TNFSF8: variants seen among roughly 807,000 people sequenced by gnomAD.
TNFSF8 encodes the protein tumor necrosis factor ligand superfamily member 8.
In TNFSF8, 4 loss-of-function variants were observed where a neutral mutation model predicts 22.0. That is an observed-to-expected ratio of 0.18 (90% CI 0.09 to 0.42). TNFSF8 has a LOEUF of 0.42. Among genes scored for constraint, TNFSF8 ranks in the 10% least tolerant of loss-of-function variants. The pLI is 1.00. For synonymous variants in TNFSF8, 106 were observed against 112.5 expected (o/e 0.94, Z 0.37); for missense variants, 233 against 281.8 (o/e 0.83, Z 1.24).
chr9:114,900,493 T>C (rs1827704009), downstream of TNFSF8, among the ~76,000 whole-genome samples: 1 of 152,190 alleles, frequency 6.6e-6, no homozygotes, highest in Non-Finnish European at 1.5e-5. Flanking sequence ...CCAGCCTTGA[T>C]AGGGCCTCCT....
chr9:114,894,037 A>C, exon 5 of TNFSF8: 1 of 1,480,846 alleles, frequency 6.8e-7, no homozygotes, highest in East Asian at 2.5e-5. Flanking sequence ...ACAGTGACCC[A>C]GGGTAGAAGC....
intron 4 of TNFSF8, among the ~76,000 whole-genome samples, chr9:114,894,748 C>T (rs920072545): frequency 3.3e-5 from 5 of 152,102 alleles, no homozygotes; most frequent in Non-Finnish European, 5.9e-5. Flanking sequence ...TATCTATTTA[C>T]GTAACATAAA....
At chr9:114,904,894 C>A (rs550962653) in intron 3 of TNFSF8, among the ~76,000 whole-genome samples, 1 of 152,180 alleles carries the variant, frequency 6.6e-6, no homozygotes, top group African/African-American at 2.4e-5. Flanking sequence ...TATCCTCTAA[C>A]GGTTCATTGT....
Position 114,930,226 on chromosome 9 carries a change from G to A in TNFSF8, c.78C>T (p.Ser26=), listed in dbSNP as rs1362784051. The A allele has an allele frequency of 2.5e-6, 4 of 1,607,700 alleles. No individual in the cohort carries two copies. In the South Asian group the frequency reaches 3.3e-5, roughly 13 times the overall value. ...TCGTGGTCCCCAGGTGGCTGGCCACGGAGCCCGCCGGCACATGCATGGCTG... is the reference window on the plus strand; with the variant it reads ...TCGTGGTCCCCAGGTGGCTGGCCACAGAGCCCGCCGGCACATGCATGGCTG... ...GDTAMHVPAG[S]VASHLGTTSR... The change falls in exon 1 of 4, where the codon TCC becomes TCT. Residue 26 remains serine, a synonymous_variant. Transcript: ENST00000223795.
At chr9:114,928,934 A>C (rs1466806929) in intron 1 of TNFSF8, among the ~76,000 whole-genome samples, 3 of 152,226 alleles carry the variant, frequency 2.0e-5, no homozygotes, top group African/African-American at 7.2e-5. Flanking sequence ...GGCCTAAGAA[A>C]ACTGAAGAAA....
At position 114,902,503 on chromosome 9, in the gene TNFSF8, A is replaced by C. The variant is rs762071843; in HGVS notation, c.*1428T>G. The C allele has an allele frequency of 5.1e-5, 50 of 985,282 alleles. No homozygotes were observed. Among genetic ancestry groups the C allele is most frequent in the Non-Finnish European group, 5.9e-5 (49 of 829,924 alleles). 61.0% of individuals were successfully genotyped at this position (985,282 alleles called of 1,614,324 possible). On this transcript the variant is annotated 3_prime_UTR_variant, in exon 4 of 4. Transcript: ENST00000223795. ...TCAGGCCTCGTCAGATGGTTTCCCA[A>C]ACACCCAGATGGTCTCTTAGATTCT...
chr9:114,916,852 C>G (rs370751439), intron 2 of TNFSF8, among the ~76,000 whole-genome samples: 24 of 152,156 alleles, frequency 1.6e-4, no homozygotes, highest in African/African-American at 5.6e-4. Context: ...TCTGGCCCTT[C>G]GTAGAAAAAG....
intron 4 of TNFSF8, among the ~76,000 whole-genome samples, chr9:114,895,903 C>T (rs560489933): frequency 6.6e-6 from 1 of 152,292 alleles, no homozygotes; most frequent in African/African-American, 2.4e-5. Context: ...ACATGTTGTC[C>T]AGATTATTCC....
At position 114,903,609 on chromosome 9, in the gene TNFSF8, C is replaced by A. The variant is rs760306687; in HGVS notation, c.*322G>T. 1.4e-3 allele frequency: 1,200 copies of A among 830,308 alleles called. 1 individual carries two copies. The highest frequency in any genetic ancestry group is 1.7e-3 in the Non-Finnish European group (1,158 of 678,146). The allele number at this position is 830,308 out of a possible 1,614,324, so 51.4% of individuals were successfully genotyped here. The stretch of plus-strand genomic sequence containing the variant: ...TGGAGCCCCATTTTAACTGGAGGCT[C>A]TCAAAACAGAAGAAATAGATCAAGA... On this transcript the variant is annotated 3_prime_UTR_variant, in exon 4 of 4. Transcript: ENST00000223795.
rs1587943621 is a variant in TNFSF8 at position 114,930,438 on chromosome 9, C to T, written c.-135G>A. ...CTTGGAAAAAAACCTTCACCTGCTG[C>T]CTGGTGGAGAAACTCTTCTCTGGGG... On this transcript the variant is annotated 5_prime_UTR_variant, in exon 1 of 4. Coordinates refer to ENST00000223795, the MANE Select transcript of TNFSF8 (RefSeq NM_001244.4). 1.5e-6 allele frequency: 1 copy of T among 661,940 alleles called. No individual in the cohort carries two copies. The highest frequency in any genetic ancestry group is 3.4e-5 in the East Asian group (1 of 29,504). 41.0% of individuals were successfully genotyped at this position (661,940 alleles called of 1,614,324 possible). A position where few individuals can be genotyped will look rare whatever the true frequency, so the allele number is the denominator to read the frequency against.
At chr9:114,929,165 A>G (rs1469056971) in intron 1 of TNFSF8, among the ~76,000 whole-genome samples, 1 of 152,158 alleles carries the variant, frequency 6.6e-6, no homozygotes, top group African/African-American at 2.4e-5. Flanking sequence ...AATTTTCTAA[A>G]ATATGAAGAA....
At chr9:114,897,349 C>G (rs1278311914), downstream of TNFSF8, among the ~76,000 whole-genome samples, 1 of 150,356 alleles carries the variant, frequency 6.7e-6, no homozygotes, top group Non-Finnish European at 1.5e-5. Flanking sequence ...TTTGATTATT[C>G]ATTTAAGAAA....
chr9:114,922,398 A>C (rs938060458), intron 1 of TNFSF8, among the ~76,000 whole-genome samples: 1 of 152,202 alleles, frequency 6.6e-6, no homozygotes, highest in Admixed American at 6.5e-5. Flanking sequence ...ACTTTTGCCA[A>C]GGATACCTCT....
chr9:114,893,428 A>G (rs559266018), exon 5 of TNFSF8: 1 of 152,794 alleles, frequency 6.5e-6, no homozygotes, highest in African/African-American at 2.4e-5. Flanking sequence ...GTATAGTTCT[A>G]GACAAGAAAT....
chr9:114,919,266 T>C (rs1207626035), intron 1 of TNFSF8, among the ~76,000 whole-genome samples: 1 of 152,060 alleles, frequency 6.6e-6, no homozygotes, highest in Admixed American at 6.6e-5. Context: ...ATTATATATT[T>C]AAACATTTAC....
At chr9:114,924,739 A>C (rs1265945059) in intron 1 of TNFSF8, among the ~76,000 whole-genome samples, 1 of 152,104 alleles carries the variant, frequency 6.6e-6, no homozygotes, top group East Asian at 1.9e-4. Flanking sequence ...CCTTCATCCC[A>C]AGCAGAAATG....
chr9:114,924,536 A>G (rs971572440), intron 1 of TNFSF8, among the ~76,000 whole-genome samples: 3 of 152,184 alleles, frequency 2.0e-5, no homozygotes, highest in African/African-American at 7.2e-5. Flanking sequence ...GCTTACTTTC[A>G]TATCCTTATA....
downstream of TNFSF8, among the ~76,000 whole-genome samples, chr9:114,897,361 A>G (rs1017929529): frequency 6.6e-6 from 1 of 152,000 alleles, no homozygotes; most frequent in African/African-American, 2.4e-5. Context: ...TTTAAGAAAT[A>G]TGTATTGAAT....
At chr9:114,897,121 G>A (rs549162189), downstream of TNFSF8, among the ~76,000 whole-genome samples, 73 of 152,116 alleles carry the variant, frequency 4.8e-4, no homozygotes, top group African/African-American at 1.4e-3. Flanking sequence ...GGCTGGTCTC[G>A]AACCCCTGAC....
Sources: gnomAD v4.1 joint callset for allele counts (sites outside exome capture counted in the v4.1 genomes callset) on GRCh38, gnomAD v4.1.1 for gene constraint, MANE v1.5 for transcripts, NCBI Gene and HGNC (gene_info 2026-07-23, HGNC 2026-07-21) for gene names.